The following DGKD variants were observed in gnomAD, a reference collection of about 807,000 sequenced individuals.
DGKD encodes the protein diacylglycerol kinase delta, also known as DAG kinase delta.
DGKD carries 68 observed loss-of-function variants against 154.4 expected under a neutral mutation model. The ratio of observed to expected loss-of-function variants is 0.44; its 90% CI spans 0.36 to 0.54. The LOEUF (loss-of-function observed/expected upper bound fraction) is 0.54. DGKD is among the 20% of genes least tolerant of loss of function. DGKD has a pLI of 0.00. For synonymous variants in DGKD, 693 were observed against 638.0 expected (o/e 1.09, Z -1.30); for missense variants, 1,343 against 1,593.6 (o/e 0.84, Z 2.68).
rs752231437 is a variant in DGKD at position 233,445,608 on chromosome 2, C to T, written c.1195-15C>T. On this transcript the variant is annotated splice_polypyrimidine_tract_variant and intron_variant, in intron 10 of 29. Coordinates refer to ENST00000264057, the MANE Select transcript of DGKD (RefSeq NM_152879.3). The surrounding 1 kb of genome is among the most constrained non-coding windows in gnomAD (Gnocchi z 5.5). ...CCAGGTGTTTGCCTGCGCATCGTCCCCCATGTTTCCTTAGTGTCAGCTGGG... is the reference window on the plus strand; with the variant it reads ...CCAGGTGTTTGCCTGCGCATCGTCCTCCATGTTTCCTTAGTGTCAGCTGGG... The T allele has an allele frequency of 1.3e-6, 2 of 1,597,046 alleles. No homozygotes were observed. Among genetic ancestry groups the T allele is most frequent in the Admixed American group, 3.5e-5 (2 of 57,764 alleles).
At chr2:233,454,681 A>C in intron 18 of DGKD, 82 bp from the exon 19 acceptor site, 2 of 797,114 alleles carry the variant, frequency 2.5e-6, no homozygotes, top group Non-Finnish European at 4.2e-6. Flanking sequence ...TCCCCAAGGA[A>C]GAGAAATGCT....
Position 233,438,100 on chromosome 2 carries a change from G to A in DGKD, c.923-117G>A. 8.8e-7 allele frequency: 1 copy of A among 1,141,212 alleles called. No homozygotes were observed. The highest frequency in any genetic ancestry group is 1.3e-6 in the Non-Finnish European group (1 of 789,370). The allele number at this position is 1,141,212 out of a possible 1,614,324, so 70.7% of individuals were successfully genotyped here. On this transcript the variant is annotated intron_variant, in intron 8 of 29. Coordinates refer to ENST00000264057, the MANE Select transcript of DGKD (RefSeq NM_152879.3). This position sits in a 1 kb window ranked among gnomAD's most constrained non-coding sequence, Gnocchi z 4.1. ...TCACTGACCTCCTCCTGACTTACAG[G>A]TGTGCATGTGTCAGGTGTGTGTCCT...
intron 3 of DGKD, among the ~76,000 whole-genome samples, chr2:233,424,361 T>G (rs572178604): frequency 6.6e-6 from 1 of 152,372 alleles, no homozygotes; most frequent in East Asian, 1.9e-4. Context: ...ATCAGTGAAC[T>G]GCCTTTGTCA....
At chr2:233,390,153 T>G (rs1015909074) in intron 2 of DGKD, among the ~76,000 whole-genome samples, 5 of 152,204 alleles carry the variant, frequency 3.3e-5, no homozygotes, top group African/African-American at 1.2e-4. Context: ...CCTTCACTAA[T>G]GCAATGACAA....
chr2:233,405,177 T>G (rs1457697355), intron 3 of DGKD, among the ~76,000 whole-genome samples: 1 of 152,234 alleles, frequency 6.6e-6, no homozygotes, highest in Non-Finnish European at 1.5e-5. Flanking sequence ...AGTTCATGTG[T>G]TGGAAACTGA....
rs146038586 is a variant in DGKD at position 233,391,634 on chromosome 2, A to C, written c.348+1151A>C. Among the ~76,000 whole-genome samples the C allele has an allele frequency of 6.6e-5, 10 of 152,354 alleles. 1 individual carries two copies. In the East Asian group the frequency reaches 1.9e-3, roughly 29 times the overall value. ...TTATTAGGCCATCCCATGTAGACAA[A>C]AAGTGTGTACCCTAATTAAAAAAAT... is the stretch of plus-strand genomic sequence containing the variant. On this transcript the variant is annotated intron_variant, in intron 3 of 29. Transcript: ENST00000264057.
intron 18 of DGKD, chr2:233,454,318 A>G (rs1475784396): frequency 2.2e-6 from 1 of 461,862 alleles, no homozygotes; most frequent in African/African-American, 2.0e-5. Context: ...AACACATGTT[A>G]TAACATGGAT....
In DGKD at chr2:233,398,193, AGTGCAGTG is replaced by A. The variant is rs575010711; in HGVS notation, c.348+7715_348+7722del. Among the ~76,000 whole-genome samples, 41 of 148,572 alleles carry A rather than the reference AGTGCAGTG, an allele frequency of 2.8e-4. No homozygotes were observed. In the East Asian group the frequency reaches 7.6e-3, roughly 28 times the overall value. On this transcript the variant is annotated intron_variant, in intron 3 of 29. Transcript: ENST00000264057. ...AGTCTCGCTCTGTTGCCCAGGCTGGAGTGCAGTGGTGCGATCTTGGCTTACTGCAAGCT... is the reference window on the plus strand; with the variant it reads ...AGTCTCGCTCTGTTGCCCAGGCTGGAGTGCGATCTTGGCTTACTGCAAGCT...
chr2:233,408,790 C>G (rs1472800428), intron 3 of DGKD: 1 of 152,232 alleles, frequency 6.6e-6, no homozygotes, highest in Admixed American at 6.5e-5. Flanking sequence ...GGATCAGGTG[C>G]AGAAGGAAGT....
intron 1 of DGKD, among the ~76,000 whole-genome samples, chr2:233,363,195 A>G (rs556427370): frequency 5.3e-5 from 8 of 152,232 alleles, no homozygotes; most frequent in Non-Finnish European, 8.8e-5. Context: ...AGCTCCATGC[A>G]CGTCATTGTC....
At chr2:233,468,626 C>A in intron 29 of DGKD, 73 bp downstream of exon 29, 1 of 1,590,732 alleles carries the variant, frequency 6.3e-7, no homozygotes, top group South Asian at 1.1e-5. Flanking sequence ...CATCCTCTCC[C>A]CCGACCTGGC....
At chr2:233,412,487 G>A (rs1031577514) in intron 3 of DGKD, among the ~76,000 whole-genome samples, 1 of 152,168 alleles carries the variant, frequency 6.6e-6, no homozygotes, top group Non-Finnish European at 1.5e-5. Flanking sequence ...AATTCTAGTA[G>A]TCATTGTGTA....
At position 233,463,498 on chromosome 2, in the gene DGKD, G is replaced by C. The variant is rs112222620; in HGVS notation, c.3187-666G>C. Among the ~76,000 whole-genome samples, 150 of 60,040 alleles carry C rather than the reference G, an allele frequency of 2.5e-3. 5 individuals are homozygous for C. The highest frequency in any genetic ancestry group is 0.012 in the Middle Eastern group (1 of 86). 39.4% of individuals were successfully genotyped at this position (60,040 alleles called of 152,430 possible). On this transcript the variant is annotated intron_variant, in intron 26 of 29. Coordinates refer to ENST00000264057, the MANE Select transcript of DGKD (RefSeq NM_152879.3). Reference sequence around the variant, plus strand: ...GCACGCATGTCCTCACTGCACGCATGTCCTCACTGCACGCATGTCCTCACT... The same window carrying C: ...GCACGCATGTCCTCACTGCACGCATCTCCTCACTGCACGCATGTCCTCACT...
chr2:233,435,896 G>A lies in DGKD; in HGVS notation c.665G>A (p.Gly222Glu). Residue 222 changes from glycine (G) to glutamate (E), a missense_variant, in exon 6 of 30, where the codon GGG becomes GAG. By Grantham distance (98) the Gly-to-Glu change is moderately conservative (BLOSUM62 -2). This residue lies in a region of DGKD where 332 missense variants were observed against 400.1 expected (regional missense o/e 0.83). Coordinates refer to ENST00000264057, the MANE Select transcript of DGKD (RefSeq NM_152879.3). ...NCKWTTLASI[G>E]KDIIEDADGI... ...AAGTGGACCACACTGGCCTCGATCG[G>A]GAAGGACATCATTGAAGATGCAGAT... 2.5e-6 allele frequency: 4 copies of A among 1,611,284 alleles called. No individual in the cohort carries two copies. The highest frequency in any genetic ancestry group is 3.4e-6 in the Non-Finnish European group (4 of 1,178,748).
At chr2:233,419,945 G>A (rs1248786029) in intron 3 of DGKD, among the ~76,000 whole-genome samples, 18 of 152,118 alleles carry the variant, frequency 1.2e-4, no homozygotes, top group Admixed American at 6.5e-5. Flanking sequence ...GAGTGGTCCC[G>A]CCAGGACCTC....
At position 233,469,476 on chromosome 2, in the gene DGKD, C is replaced by T. The variant is rs567953266; in HGVS notation, c.*16C>T. 6 of 1,581,242 alleles carry T rather than the reference C, an allele frequency of 3.8e-6. No individual in the cohort carries two copies. In the East Asian group the frequency reaches 6.9e-5, roughly 18 times the overall value. ...CGAGGCCTAGCCTCTGTCCTCTCAGCCTGTGGCCTCCACATCCCCGCCGCC... is the reference window on the plus strand; with the variant it reads ...CGAGGCCTAGCCTCTGTCCTCTCAGTCTGTGGCCTCCACATCCCCGCCGCC... On this transcript the variant is annotated 3_prime_UTR_variant, in exon 30 of 30. Coordinates refer to ENST00000264057, the MANE Select transcript of DGKD (RefSeq NM_152879.3).
Position 233,462,651 on chromosome 2 carries a change from C to G in DGKD, c.3102C>G (p.Asn1034Lys), listed in dbSNP as rs2063687422. 1.2e-6 allele frequency: 2 copies of G among 1,614,132 alleles called. No individual in the cohort carries two copies. The highest frequency in any genetic ancestry group is 1.7e-6 in the Non-Finnish European group (2 of 1,179,974). The change falls in exon 26 of 30, where the codon AAC (asparagine) becomes AAG (lysine). Residue 1034 changes from asparagine to lysine, a missense_variant. Transcript: ENST00000264057. Reference protein sequence around the residue: ...YGKPRTTEGLNCSFVLEMVNN... With the variant: ...YGKPRTTEGLKCSFVLEMVNN... ...TGCCTGGTTTCTTCTAGGGGCTCAA[C>G]TGCAGCTTCGTCCTGGAAATGGTGA... is the stretch of plus-strand genomic sequence containing the variant.
In DGKD at chr2:233,469,434, C is replaced by A. The variant is rs537522172; in HGVS notation, c.3619C>A (p.Arg1207Ser). The A allele has an allele frequency of 1.2e-6, 2 of 1,603,468 alleles. No individual in the cohort carries two copies. Among genetic ancestry groups the A allele is most frequent in the Admixed American group, 3.4e-5 (2 of 58,580 alleles). Residue 1207 changes from arginine to serine, a missense_variant, in exon 30 of 30, where the codon CGC becomes AGC. Around this residue, in one of 6 missense-constraint regions of DGKD, gnomAD observed 429 missense variants for 496.3 expected, o/e 0.86. Coordinates refer to ENST00000264057, the MANE Select transcript of DGKD (RefSeq NM_152879.3). ...CCTGTGTGGCATCAAGGAGCTGAGCCGCAGCGCCCCCGCCGTCGAGGCCTA... is the reference window on the plus strand; with the variant it reads ...CCTGTGTGGCATCAAGGAGCTGAGCAGCAGCGCCCCCGCCGTCGAGGCCTA... The part of the protein sequence containing the change: ...RILCGIKELS[R>S]SAPAVEA
At chr2:233,426,601 G>A (rs758419582) in intron 3 of DGKD, among the ~76,000 whole-genome samples, 42 of 152,154 alleles carry the variant, frequency 2.8e-4, no homozygotes, top group South Asian at 8.3e-4. Flanking sequence ...TATTTCTTTC[G>A]CTGTTGTAAG....
Sources: gnomAD v4.1 joint callset for allele counts (sites outside exome capture counted in the v4.1 genomes callset) on GRCh38, gnomAD v4.1.1 for gene constraint, gnomAD v4.1.1 regional missense constraint, Gnocchi (gnomAD v3.1) non-coding constraint, MANE v1.5 for transcripts, NCBI Gene and HGNC (gene_info 2026-07-23, HGNC 2026-07-21) for gene names.